Variants in AGBL4 observed in about 807,000 individuals in gnomAD.
AGBL4 encodes cytosolic carboxypeptidase 6.
In AGBL4, 58 loss-of-function variants were observed where a neutral mutation model predicts 66.4. That is an observed-to-expected ratio of 0.87 (90% CI 0.71 to 1.09). AGBL4 has a LOEUF of 1.09. Ranked by LOEUF, AGBL4 falls within the 50% of genes least tolerant of loss-of-function variation. The probability of loss-of-function intolerance (pLI) is 0.00; values close to 1 mark genes in which losing one functional copy is unlikely to be tolerated. For synonymous variants in AGBL4, 234 were observed against 222.9 expected (o/e 1.05, Z -0.44); for missense variants, 579 against 631.0 (o/e 0.92, Z 0.88).
chr1:49,542,263 C>T (rs983944417), intron 3 of AGBL4, among the ~76,000 whole-genome samples: 1 of 152,218 alleles, frequency 6.6e-6, no homozygotes, highest in Non-Finnish European at 1.5e-5. Flanking sequence ...TCCACTTCCA[C>T]ATTGTGGAAG....
chr1:48,909,416 T>C (rs1204373393), intron 5 of AGBL4, among the ~76,000 whole-genome samples: 2 of 152,170 alleles, frequency 1.3e-5, no homozygotes, highest in Admixed American at 6.5e-5. Context: ...AGATACAGCA[T>C]GTTCAGATTA....
intron 3 of AGBL4, among the ~76,000 whole-genome samples, chr1:49,552,524 ACT>A (rs1319492044): frequency 6.6e-6 from 1 of 151,784 alleles, no homozygotes; most frequent in Non-Finnish European, 1.5e-5. Flanking sequence ...CTCTAAATTG[ACT>A]CAGTTCCAGG....
At chr1:49,833,567 T>C (rs1193554778) in intron 2 of AGBL4, among the ~76,000 whole-genome samples, 1 of 151,438 alleles carries the variant, frequency 6.6e-6, no homozygotes, top group East Asian at 1.9e-4. Flanking sequence ...GCATTGAATC[T>C]GTAAATTACC....
chr1:49,497,295 ATTTTCT>A (rs1375083744), intron 3 of AGBL4, among the ~76,000 whole-genome samples: 1 of 151,888 alleles, frequency 6.6e-6, no homozygotes, highest in Non-Finnish European at 1.5e-5. Context: ...GGTTGAAGAT[ATTTTCT>A]CCCATTCCAT....
chr1:49,149,952 CAAAT>C (rs1336245646), intron 4 of AGBL4, among the ~76,000 whole-genome samples: 1 of 152,118 alleles, frequency 6.6e-6, no homozygotes, highest in Non-Finnish European at 1.5e-5. Context: ...GAACAATAAA[CAAAT>C]ACCTAAGTAT....
At chr1:48,758,938 C>T (rs1489188075) in intron 6 of AGBL4, 5 of 1,576,984 alleles carry the variant, frequency 3.2e-6, no homozygotes, top group South Asian at 2.4e-5. Flanking sequence ...CTGGAGCCTC[C>T]GGTTAAGGTC....
At chr1:49,331,738 A>T (rs974444362) in intron 3 of AGBL4, among the ~76,000 whole-genome samples, 3 of 151,936 alleles carry the variant, frequency 2.0e-5, no homozygotes, top group Non-Finnish European at 4.4e-5. Context: ...TGCAGACTTC[A>T]GAGAGCCTAA....
intron 3 of AGBL4, among the ~76,000 whole-genome samples, chr1:49,326,715 A>AG (rs1202310304): frequency 1.3e-5 from 2 of 152,210 alleles, no homozygotes; most frequent in Non-Finnish European, 2.9e-5. Context: ...GGCAGGGTTC[A>AG]GTTAGATGAG....
rs1164068968 is a variant in AGBL4, at chr1:49,347,345, G to A, written c.283-101481C>T. 6.7e-5 allele frequency among the ~76,000 whole-genome samples: 10 copies of A among 149,958 alleles called. 1 individual carries two copies. Among genetic ancestry groups the A allele is most frequent in the Middle Eastern group, 3.5e-3 (1 of 288 alleles). ...CAGCTCACTGCAAGCTCTGCCACCC[G>A]GGTTCATGCCATTCTCCTGCCTCAG... On this transcript the variant is annotated intron_variant, in intron 3 of 13. Coordinates refer to ENST00000371839, the MANE Select transcript of AGBL4 (RefSeq NM_032785.4).
intron 2 of AGBL4, among the ~76,000 whole-genome samples, chr1:49,785,165 G>C (rs1644422414): frequency 6.6e-6 from 1 of 152,034 alleles, no homozygotes; most frequent in African/African-American, 2.4e-5. Context: ...GCTACCAGTA[G>C]CTGGGGATGA....
chr1:49,802,018 G>C (rs1035853794), intron 2 of AGBL4, among the ~76,000 whole-genome samples: 1 of 152,180 alleles, frequency 6.6e-6, no homozygotes, highest in African/African-American at 2.4e-5. Context: ...TGGAATAAAA[G>C]ATAAAATGCT....
chr1:48,716,989 C>T (rs1327849564), intron 6 of AGBL4, among the ~76,000 whole-genome samples: 1 of 152,208 alleles, frequency 6.6e-6, no homozygotes, highest in Non-Finnish European at 1.5e-5. Flanking sequence ...CGATTTAATC[C>T]TCTCAAGAGC....
rs944833991 is a variant in AGBL4 at position 48,673,115 on chromosome 1, C to T, written c.635-9874G>A. On this transcript the variant is annotated intron_variant, in intron 6 of 13. Coordinates refer to ENST00000371839, the MANE Select transcript of AGBL4 (RefSeq NM_032785.4). ...GGGGAAATTTGATTCCCCAGCTATACTAAAGAGATGTTATTCTGTTTGTAC... is the reference window on the plus strand; with the variant it reads ...GGGGAAATTTGATTCCCCAGCTATATTAAAGAGATGTTATTCTGTTTGTAC... Among the ~76,000 whole-genome samples, 7 of 152,150 alleles carry T rather than the reference C, an allele frequency of 4.6e-5. 1 individual carries two copies. The highest frequency in any genetic ancestry group is 1.3e-4 in the Admixed American group (2 of 15,260).
At chr1:49,952,830 G>T (rs1472365085) in intron 1 of AGBL4, among the ~76,000 whole-genome samples, 1 of 151,894 alleles carries the variant, frequency 6.6e-6, no homozygotes, top group Non-Finnish European at 1.5e-5. Flanking sequence ...AGCAACAATA[G>T]GAAAAGAGTA....
At chr1:49,166,363 G>T (rs1452266870) in intron 4 of AGBL4, among the ~76,000 whole-genome samples, 1 of 152,020 alleles carries the variant, frequency 6.6e-6, no homozygotes, top group Non-Finnish European at 1.5e-5. Flanking sequence ...TGTTTTGTAG[G>T]GAGCCAAGAA....
In AGBL4 at chr1:48,833,330, A is replaced by T. The variant is rs149895832; in HGVS notation, c.634+33861T>A. Among the ~76,000 whole-genome samples the T allele has an allele frequency of 3.2e-4, 48 of 152,348 alleles. No individual in the cohort carries two copies. In the East Asian group the frequency reaches 9.3e-3, roughly 29 times the overall value. On this transcript the variant is annotated intron_variant, in intron 6 of 13. Transcript: ENST00000371839. ...TGCAATCTGTTATTAAGTGACAAAG[A>T]ACTTGGCTGAACTGTGTTCTAGTGT...
chr1:49,358,788 A>G (rs532914131), intron 3 of AGBL4, among the ~76,000 whole-genome samples: 5 of 152,332 alleles, frequency 3.3e-5, no homozygotes, highest in African/African-American at 1.2e-4. Flanking sequence ...CAACTTTTCA[A>G]TGGAAAATAA....
At chr1:48,671,107 G>C (rs1281965390) in intron 6 of AGBL4, among the ~76,000 whole-genome samples, 3 of 152,224 alleles carry the variant, frequency 2.0e-5, no homozygotes, top group Admixed American at 6.5e-5. Context: ...AAGTCCCAGG[G>C]AGGAACTCAG....
chr1:49,223,326 G>A (rs1001236949), intron 4 of AGBL4, among the ~76,000 whole-genome samples: 1 of 151,858 alleles, frequency 6.6e-6, no homozygotes, highest in South Asian at 2.1e-4. Context: ...GGAAGGAGGA[G>A]GATTTATCAG....
Sources: gnomAD v4.1 joint callset for allele counts (sites outside exome capture counted in the v4.1 genomes callset) on GRCh38, gnomAD v4.1.1 for gene constraint, MANE v1.5 for transcripts, NCBI Gene and HGNC (gene_info 2026-07-23, HGNC 2026-07-21) for gene names.